The following CDH20 variants were observed in gnomAD, a reference collection of about 807,000 sequenced individuals.
CDH20 encodes cadherin 20.
A neutral mutation model predicts 74.2 loss-of-function variants in CDH20; 29 were observed. The observed-to-expected ratio is 0.39, with a 90% confidence interval of 0.29 to 0.53. The LOEUF is 0.53. Among genes scored for constraint, CDH20 ranks in the 20% least tolerant of loss-of-function variants. The pLI, the probability that CDH20 is intolerant of heterozygous loss-of-function variation, is 0.69. For synonymous variants in CDH20, 469 were observed against 405.4 expected (o/e 1.16, Z -1.88); for missense variants, 988 against 1,048.3 (o/e 0.94, Z 0.79).
intron 7 of CDH20, among the ~76,000 whole-genome samples, chr18:61,530,517 A>C (rs531745081): frequency 6.6e-6 from 1 of 152,356 alleles, no homozygotes; most frequent in East Asian, 1.9e-4. Flanking sequence ...AATTCAAAAA[A>C]TCAACACATC....
chr18:61,496,283 C>A (rs1243186505), intron 2 of CDH20, among the ~76,000 whole-genome samples: 1 of 128,164 alleles, frequency 7.8e-6, no homozygotes, highest in African/African-American at 3.2e-5. Context: ...TTTCCCTTCC[C>A]TCCTTTCTCT....
Position 61,467,310 on chromosome 18 carries a change from G to A in CDH20, c.-152-23092G>A, listed in dbSNP as rs376035399. ...TGAGGCCTAATTTGCCTTCTTCTCC[G>A]CTTGAGAATCTGACAATTTCCACAT... On this transcript the variant is annotated intron_variant, in intron 1 of 11. Coordinates refer to ENST00000262717, the MANE Select transcript of CDH20 (RefSeq NM_031891.4). Among the ~76,000 whole-genome samples, 62 of 152,180 alleles carry A rather than the reference G, an allele frequency of 4.1e-4. 1 individual carries two copies. Among genetic ancestry groups the A allele is most frequent in the Non-Finnish European group, 6.8e-4 (46 of 68,002 alleles).
At chr18:61,399,505 C>T (rs1283682348) in intron 1 of CDH20, among the ~76,000 whole-genome samples, 1 of 152,130 alleles carries the variant, frequency 6.6e-6, no homozygotes, top group Non-Finnish European at 1.5e-5. Flanking sequence ...GAAATCCCAT[C>T]ATGTTTTGTT....
intron 1 of CDH20, among the ~76,000 whole-genome samples, chr18:61,342,710 G>A (rs767561431): frequency 5.3e-5 from 8 of 152,158 alleles, no homozygotes; most frequent in Non-Finnish European, 1.0e-4. Context: ...CACTGCCATA[G>A]TAAAGTTCAA....
chr18:61,446,680 C>A (rs1477487236), intron 1 of CDH20, among the ~76,000 whole-genome samples: 1 of 152,098 alleles, frequency 6.6e-6, no homozygotes, highest in East Asian at 1.9e-4. Flanking sequence ...CCCTAATTAC[C>A]TTTTCTCATT....
chr18:61,404,520 A>G (rs1254232932), intron 1 of CDH20, among the ~76,000 whole-genome samples: 1 of 152,084 alleles, frequency 6.6e-6, no homozygotes, highest in Admixed American at 6.6e-5. Context: ...GTAGGGAGCA[A>G]TGAAATTCTA....
chr18:61,493,163 C>T (rs983833642), intron 2 of CDH20, among the ~76,000 whole-genome samples: 2 of 152,178 alleles, frequency 1.3e-5, no homozygotes, highest in African/African-American at 4.8e-5. Flanking sequence ...TCATTGACTT[C>T]TCCTTTCCTT....
intron 1 of CDH20, among the ~76,000 whole-genome samples, chr18:61,461,111 A>T (rs1434339292): frequency 6.6e-6 from 1 of 152,116 alleles, no homozygotes; most frequent in Non-Finnish European, 1.5e-5. Context: ...TAAATGTTAC[A>T]TACGTGGCCT....
At chr18:61,496,355 G>T (rs963102592) in intron 2 of CDH20, among the ~76,000 whole-genome samples, 2 of 142,172 alleles carry the variant, frequency 1.4e-5, no homozygotes, top group African/African-American at 5.4e-5. Context: ...CATGCAGACC[G>T]GTGCTCCGAA....
Position 61,398,044 on chromosome 18 carries a change from C to G in CDH20, c.-153+64217C>G, listed in dbSNP as rs573496897. 2.6e-5 allele frequency among the ~76,000 whole-genome samples: 4 copies of G among 152,316 alleles called. No individual in the cohort carries two copies. The East Asian group carries it at 7.7e-4, about 29-fold the overall frequency. On this transcript the variant is annotated intron_variant, in intron 1 of 11. Coordinates refer to ENST00000262717, the MANE Select transcript of CDH20 (RefSeq NM_031891.4). The stretch of plus-strand genomic sequence containing the variant: ...CTCTGCTAGCTAAGTCAGAGTGCAA[C>G]AAGATCAAGGCTATTTGCTTGAATC...
chr18:61,357,536 T>A (rs1910534217), intron 1 of CDH20, among the ~76,000 whole-genome samples: 1 of 152,202 alleles, frequency 6.6e-6, no homozygotes, highest in Admixed American at 6.5e-5. Context: ...TCCTCGTGGT[T>A]GCAAAATGGC....
intron 1 of CDH20, among the ~76,000 whole-genome samples, chr18:61,384,914 A>G (rs1911544780): frequency 6.6e-6 from 1 of 152,162 alleles, no homozygotes; most frequent in South Asian, 2.1e-4. Flanking sequence ...TTTTTCTAAG[A>G]ATAGCAAAAA....
intron 10 of CDH20, among the ~76,000 whole-genome samples, chr18:61,548,305 T>A (rs1449866972): frequency 1.3e-5 from 2 of 152,228 alleles, no homozygotes; most frequent in South Asian, 2.1e-4. Flanking sequence ...CAATGGAACA[T>A]GTACATGTTT....
rs993704262 is a variant in CDH20 at position 61,353,853 on chromosome 18, G to A, written c.-153+20026G>A. Among the ~76,000 whole-genome samples the A allele has an allele frequency of 3.9e-5, 6 of 151,984 alleles. No individual in the cohort carries two copies. Among genetic ancestry groups the A allele is most frequent in the East Asian group, 1.9e-4 (1 of 5,174 alleles). ...TCCCAGCATTTTAGGAGGCCGGGGCGGTTGGATTGCCTGAACTCTGTAGTT... is the reference window on the plus strand; with the variant it reads ...TCCCAGCATTTTAGGAGGCCGGGGCAGTTGGATTGCCTGAACTCTGTAGTT... On this transcript the variant is annotated intron_variant, in intron 1 of 11. Coordinates refer to ENST00000262717, the MANE Select transcript of CDH20 (RefSeq NM_031891.4). The surrounding 1 kb of genome is among the most constrained non-coding windows in gnomAD (Gnocchi z 4.6).
At chr18:61,438,773 TA>T (rs1908920927) in intron 1 of CDH20, among the ~76,000 whole-genome samples, 1 of 151,928 alleles carries the variant, frequency 6.6e-6, no homozygotes. Context: ...CAAAAGAAAA[TA>T]AATCATTCTA....
intron 10 of CDH20, among the ~76,000 whole-genome samples, chr18:61,547,427 C>T (rs1913289645): frequency 6.6e-6 from 1 of 152,102 alleles, no homozygotes; most frequent in Admixed American, 6.5e-5. Context: ...TTTATGAACA[C>T]AACAGGGCAC....
chr18:61,499,532 A>ACACT, intron 3 of CDH20, 52 bp downstream of exon 3: 1 of 1,276,094 alleles, frequency 7.8e-7, no homozygotes, highest in Non-Finnish European at 1.1e-6. Context: ...ATATATATAC[A>ACACT]CACACACACA....
chr18:61,413,174 A>G (rs892979875), intron 1 of CDH20, among the ~76,000 whole-genome samples: 2 of 152,100 alleles, frequency 1.3e-5, no homozygotes, highest in African/African-American at 4.8e-5. Flanking sequence ...CAAAGCATCC[A>G]CTGTACCATC....
chr18:61,536,693 GT>G (rs1912829727), intron 8 of CDH20, 64 bp downstream of exon 8: 2 of 1,446,446 alleles, frequency 1.4e-6, no homozygotes, highest in African/African-American at 2.8e-5. Flanking sequence ...GAAAGTGGAA[GT>G]TTCTAGAACT....
Sources: allele counts gnomAD v4.1 joint callset (sites outside exome capture counted in the v4.1 genomes callset), GRCh38; gene constraint gnomAD v4.1.1; non-coding constraint Gnocchi (gnomAD v3.1); transcripts MANE v1.5; gene names NCBI Gene and HGNC (gene_info 2026-07-23, HGNC 2026-07-21).